DNAH14: variants seen among roughly 807,000 people sequenced by gnomAD.
DNAH14 encodes axonemal beta dynein heavy chain 14.
DNAH14 carries 478 observed loss-of-function variants against 520.9 expected under a neutral mutation model. That is an observed-to-expected ratio of 0.92 (90% confidence interval 0.85 to 0.99). DNAH14 has a LOEUF of 0.99. Among genes scored for constraint, DNAH14 ranks in the 50% least tolerant of loss-of-function variants. The pLI, the probability that DNAH14 is intolerant of heterozygous loss-of-function variation, is 0.00. For synonymous variants in DNAH14, 1,581 were observed against 1,757.2 expected (o/e 0.90, Z 2.51); for missense variants, 4,831 against 5,234.5 (o/e 0.92, Z 2.38).
intron 81 of DNAH14, among the ~76,000 whole-genome samples, chr1:225,386,113 A>C (rs2095838635): frequency 6.6e-6 from 1 of 152,212 alleles, no homozygotes; most frequent in African/African-American, 2.4e-5. Context: ...AAACCGGACA[A>C]AAACAAGCAA....
At position 224,952,757 on chromosome 1, in the gene DNAH14, G is replaced by T. The variant is rs61745064; in HGVS notation, c.55G>T (p.Glu19Ter). 1.9e-3 allele frequency: 2,996 copies of T among 1,600,652 alleles called. 40 individuals are homozygous for T. In the African/African-American group the frequency reaches 0.034, roughly 18 times the overall value. Reference sequence around the variant, plus strand: ...AACTGAAAATCAAGAGATGGACAAGGAGGAAACCAAGACAAAACCAAGGTA... The same window carrying T: ...AACTGAAAATCAAGAGATGGACAAGTAGGAAACCAAGACAAAACCAAGGTA... ...LTTENQEMDK[E>*]ETKTKPRLLR... is the part of the protein sequence containing the mutation. Residue 19 changes from glutamate (E) to a stop codon, truncating the protein, a stop_gained, in exon 2 of 86, where the codon GAG becomes TAG. Transcript: ENST00000682510. LOFTEE classifies it high-confidence loss of function.
intron 60 of DNAH14, among the ~76,000 whole-genome samples, chr1:225,315,082 T>C (rs1318082002): frequency 1.3e-5 from 2 of 152,114 alleles, no homozygotes; most frequent in Non-Finnish European, 2.9e-5. Context: ...ACCAATCAAA[T>C]GTTGGTTTAG....
intron 84 of DNAH14, among the ~76,000 whole-genome samples, chr1:225,394,041 C>T (rs1006698807): frequency 1.3e-5 from 2 of 152,056 alleles, no homozygotes. Flanking sequence ...AGGATGGTCT[C>T]GATCTTCTGA....
At position 225,333,367 on chromosome 1, in the gene DNAH14, C is replaced by T. The variant is rs768043274; in HGVS notation, c.9941C>T (p.Ala3314Val). The change falls in exon 66 of 86, where the codon GCG becomes GTG. Residue 3314 changes from alanine (A) to valine (V), a missense_variant. Transcript: ENST00000682510. ...GILGDILLSA[A>V]CIVYSGILTP... ...TTGGGTGACATACTTCTTTCAGCAGCGTGCATTGTCTACAGTGGAATTTTA... is the reference window on the plus strand; with the variant it reads ...TTGGGTGACATACTTCTTTCAGCAGTGTGCATTGTCTACAGTGGAATTTTA... 5.2e-6 allele frequency: 8 copies of T among 1,551,584 alleles called. No homozygotes were observed. Among genetic ancestry groups the T allele is most frequent in the African/African-American group, 1.4e-5 (1 of 72,994 alleles).
chr1:225,276,979 A>C (rs139793774), intron 53 of DNAH14, among the ~76,000 whole-genome samples: 1 of 49,316 alleles, frequency 2.0e-5, no homozygotes, highest in African/African-American at 9.0e-5. Flanking sequence ...GGAAGGAAGG[A>C]AGGAAGGGAG....
At chr1:225,146,978 G>T (rs2080007464) in intron 30 of DNAH14, 126 bp from the exon 31 acceptor site, 1 of 671,674 alleles carries the variant, frequency 1.5e-6, no homozygotes, top group Non-Finnish European at 2.4e-6. Context: ...TGCCTAGGAG[G>T]GGGAAATGCA....
intron 77 of DNAH14, among the ~76,000 whole-genome samples, chr1:225,371,409 T>G (rs943794940): frequency 6.6e-6 from 1 of 151,960 alleles, no homozygotes; most frequent in African/African-American, 2.4e-5. Flanking sequence ...CCTAAAGTAA[T>G]AGGATTAAAA....
chr1:225,084,054 C>CT (rs1370489600), intron 20 of DNAH14, among the ~76,000 whole-genome samples: 2 of 152,018 alleles, frequency 1.3e-5, no homozygotes, highest in African/African-American at 4.8e-5. Flanking sequence ...TTCCAATGAG[C>CT]TATTACATGT....
rs182878872 is a variant in DNAH14, at chr1:225,345,877, C to A, written c.10679-85C>A. 183 of 1,182,366 alleles carry A rather than the reference C, an allele frequency of 1.5e-4. 1 individual carries two copies. The African/African-American group carries it at 2.7e-3, about 17-fold the overall frequency. The allele number at this position is 1,182,366 out of a possible 1,614,324, so 73.2% of individuals were successfully genotyped here. On this transcript the variant is annotated intron_variant, in intron 69 of 85. Transcript: ENST00000682510. The stretch of plus-strand genomic sequence containing the variant: ...CCAATAAGAAGCCAACAGTACAAAC[C>A]CTTACACAAAGAGTGCAGAGTGAGG...
At chr1:225,324,966 G>A (rs764873232) in intron 64 of DNAH14, 134 bp downstream of exon 64, 11 of 461,154 alleles carry the variant, frequency 2.4e-5, no homozygotes, top group Non-Finnish European at 3.5e-5. Flanking sequence ...TGAGGATTAA[G>A]TAAATAATAT....
intron 23 of DNAH14, 110 bp downstream of exon 23, chr1:225,100,994 T>C (rs572886308): frequency 6.5e-5 from 59 of 911,014 alleles, no homozygotes; most frequent in Non-Finnish European, 8.9e-5. Context: ...TTCTTTATTC[T>C]AGCTGCCAAC....
chr1:225,388,453 T>C lies in DNAH14; in HGVS notation c.13152T>C (p.Asn4384=), dbSNP rs2095866387. Residue 4384 remains asparagine, a synonymous_variant, in exon 82 of 86, where the codon AAT becomes AAC. Coordinates refer to ENST00000682510, the MANE Select transcript of DNAH14 (RefSeq NM_001367479.1). ...DDLIQRLNFF[N]TWAKVAYTAI... ...TCATCCAGCGACTGAATTTCTTCAA[T>C]ACTTGGGCCAAAGTGGCTTATACTG... is the stretch of plus-strand genomic sequence containing the variant. 1 of 1,535,128 alleles carries C rather than the reference T, an allele frequency of 6.5e-7. No homozygotes were observed. Among genetic ancestry groups the C allele is most frequent in the African/African-American group, 1.4e-5 (1 of 72,968 alleles).
intron 31 of DNAH14, among the ~76,000 whole-genome samples, chr1:225,148,514 G>C (rs952542966): frequency 1.4e-5 from 2 of 145,878 alleles, no homozygotes; most frequent in Non-Finnish European, 3.0e-5. Flanking sequence ...CAATTCTCCT[G>C]CCTCAGCCTC....
chr1:224,968,509 G>A (rs987788350), intron 6 of DNAH14, among the ~76,000 whole-genome samples: 2 of 152,102 alleles, frequency 1.3e-5, no homozygotes, highest in African/African-American at 4.8e-5. Flanking sequence ...GGGTGAGGAG[G>A]AAGTTTCTCT....
chr1:225,377,398 C>T lies in DNAH14; in HGVS notation c.12678C>T (p.Ala4226=). ...AAAAGTTTATTGAAAATCTGATTGCCATGCAACCAAAAACTACCACTGCCA... is the reference window on the plus strand; with the variant it reads ...AAAAGTTTATTGAAAATCTGATTGCTATGCAACCAAAAACTACCACTGCCA... The part of the protein sequence containing the change: ...QGEKFIENLI[A]MQPKTTTANL... The change falls in exon 79 of 86, where the codon GCC becomes GCT. Residue 4226 remains alanine (A), a synonymous_variant. Transcript: ENST00000682510. The T allele has an allele frequency of 6.4e-7, 1 of 1,550,922 alleles. No individual in the cohort carries two copies. Among genetic ancestry groups the T allele is most frequent in the South Asian group, 1.2e-5 (1 of 83,908 alleles).
intron 48 of DNAH14, 61 bp from the exon 49 acceptor site, chr1:225,266,580 A>C (rs1195893436): frequency 5.5e-6 from 7 of 1,265,808 alleles, no homozygotes; most frequent in Non-Finnish European, 6.2e-6. Flanking sequence ...AATATTCCTA[A>C]TTCATAATTT....
At chr1:225,294,772 C>A (rs938695976) in intron 55 of DNAH14, among the ~76,000 whole-genome samples, 4 of 151,408 alleles carry the variant, frequency 2.6e-5, no homozygotes, top group African/African-American at 9.7e-5. Flanking sequence ...TGCCATGAGC[C>A]GAGATGGTAC....
intron 51 of DNAH14, 103 bp downstream of exon 51, chr1:225,272,176 T>C: frequency 8.3e-7 from 1 of 1,203,116 alleles, no homozygotes; most frequent in Non-Finnish European, 1.1e-6. Flanking sequence ...GGGAAATGAA[T>C]GTTGGTTAGT....
intron 12 of DNAH14, among the ~76,000 whole-genome samples, chr1:225,042,607 C>G (rs943705448): frequency 1.3e-5 from 2 of 152,180 alleles, no homozygotes; most frequent in Non-Finnish European, 2.9e-5. Context: ...TATACTGACT[C>G]TGGCATCAAT....
Sources: allele counts gnomAD v4.1 joint callset (sites outside exome capture counted in the v4.1 genomes callset), GRCh38; gene constraint gnomAD v4.1.1; transcripts MANE v1.5; gene names NCBI Gene and HGNC (gene_info 2026-07-23, HGNC 2026-07-21).